Variants in CDH12 observed in about 807,000 individuals in gnomAD.
CDH12 encodes the protein cadherin 12.
A neutral mutation model predicts 74.1 loss-of-function variants in CDH12; 41 were observed. The observed-to-expected ratio is 0.55, with a 90% CI of 0.43 to 0.72. CDH12 has a LOEUF of 0.72. Among genes scored for constraint, CDH12 ranks in the 30% least tolerant of loss-of-function variants. The pLI, the probability that CDH12 is intolerant of heterozygous loss-of-function variation, is 0.00. For missense variants in CDH12, 945 were observed against 977.2 expected (o/e 0.97, Z 0.44); for synonymous variants, 399 against 355.0 (o/e 1.12, Z -1.39).
intron 4 of CDH12, among the ~76,000 whole-genome samples, chr5:22,187,148 A>T: frequency 6.6e-6 from 1 of 152,228 alleles, no homozygotes; most frequent in East Asian, 1.9e-4. Flanking sequence ...GCTCTTATGC[A>T]AACACTCACA....
At chr5:22,402,956 T>C (rs965471553) in intron 3 of CDH12, among the ~76,000 whole-genome samples, 1 of 152,118 alleles carries the variant, frequency 6.6e-6, no homozygotes, top group Non-Finnish European at 1.5e-5. Flanking sequence ...AGACATGTGA[T>C]GGAAAGAAGG....
rs201378252 is a variant in CDH12 at position 22,448,711 on chromosome 5, A to G, written c.-427-43360T>C. Among the ~76,000 whole-genome samples, 6 of 151,970 alleles carry G rather than the reference A, an allele frequency of 3.9e-5. No individual in the cohort carries two copies. The East Asian group carries it at 9.6e-4, about 24-fold the overall frequency. ...AAAAAGTTTTCAAATTAAGATTTTA[A>G]TTTTTTTGTAAAAGTAAAAGAAAAC... On this transcript the variant is annotated intron_variant, in intron 2 of 14. Transcript: ENST00000382254.
At chr5:22,438,918 C>A (rs2126537404) in intron 2 of CDH12, among the ~76,000 whole-genome samples, 1 of 151,186 alleles carries the variant, frequency 6.6e-6, no homozygotes, top group East Asian at 1.9e-4. Context: ...AAAATAATGT[C>A]AATGTGATAA....
intron 5 of CDH12, among the ~76,000 whole-genome samples, chr5:22,072,156 A>G (rs972663195): frequency 6.6e-6 from 1 of 151,972 alleles, no homozygotes; most frequent in African/African-American, 2.4e-5. Flanking sequence ...CTGATCGGTC[A>G]TTCTAGAATT....
chr5:22,134,793 C>A (rs951429633), intron 4 of CDH12, among the ~76,000 whole-genome samples: 1 of 145,412 alleles, frequency 6.9e-6, no homozygotes, highest in Non-Finnish European at 1.5e-5. Context: ...CTCCATAATC[C>A]CTGTCACTTT....
intron 6 of CDH12, among the ~76,000 whole-genome samples, chr5:21,865,935 G>A (rs1751303133): frequency 6.6e-6 from 1 of 152,150 alleles, no homozygotes; most frequent in Non-Finnish European, 1.5e-5. Flanking sequence ...CTTATGTTGT[G>A]GGAGGGACAC....
At chr5:21,820,285 A>G (rs1222218719) in intron 8 of CDH12, among the ~76,000 whole-genome samples, 1 of 152,024 alleles carries the variant, frequency 6.6e-6, no homozygotes, top group Non-Finnish European at 1.5e-5. Flanking sequence ...ATTTAAGTTA[A>G]ATAGGGTGTT....
intron 3 of CDH12, among the ~76,000 whole-genome samples, chr5:22,284,865 C>A (rs1737065834): frequency 7.0e-6 from 1 of 142,418 alleles, no homozygotes; most frequent in African/African-American, 2.6e-5. Flanking sequence ...TGAAAAAAGA[C>A]CAGGAAAAGG....
chr5:22,404,675 A>C (rs1173711561), intron 3 of CDH12, among the ~76,000 whole-genome samples: 1 of 152,210 alleles, frequency 6.6e-6, no homozygotes, highest in African/African-American at 2.4e-5. Context: ...ATACCTGTAG[A>C]AATGAGTGAG....
chr5:21,867,992 T>C (rs1398599966), intron 6 of CDH12, among the ~76,000 whole-genome samples: 2 of 152,122 alleles, frequency 1.3e-5, no homozygotes, highest in African/African-American at 4.8e-5. Context: ...ACTGTTCTCG[T>C]GGTAGTGAAT....
chr5:22,530,480 C>G (rs762652531), intron 1 of CDH12, among the ~76,000 whole-genome samples: 2 of 150,834 alleles, frequency 1.3e-5, no homozygotes, highest in African/African-American at 2.4e-5. Context: ...AGAAATTAGT[C>G]CACTAAAAAT....
In CDH12 at chr5:22,055,132, C is replaced by T. The variant is rs552842323; in HGVS notation, c.231+23314G>A. ...TTTGCATCAGGAGGAGCAGCTCTAG[C>T]CTTGGAAAATTAGTAGAGTCCTATG... On this transcript the variant is annotated intron_variant, in intron 5 of 14. Coordinates refer to ENST00000382254, the MANE Select transcript of CDH12 (RefSeq NM_004061.5). Among the ~76,000 whole-genome samples the T allele has an allele frequency of 2.0e-5, 3 of 152,270 alleles. 1 individual carries two copies. In the East Asian group the frequency reaches 5.8e-4, roughly 29 times the overall value.
intron 11 of CDH12, among the ~76,000 whole-genome samples, chr5:21,771,591 A>G (rs548063744): frequency 6.6e-6 from 1 of 152,216 alleles, no homozygotes; most frequent in South Asian, 2.1e-4. Flanking sequence ...CTGGGTTAAG[A>G]TTAGGGGTTG....
At chr5:22,442,000 G>A (rs1260576092) in intron 2 of CDH12, among the ~76,000 whole-genome samples, 2 of 152,052 alleles carry the variant, frequency 1.3e-5, no homozygotes, top group Non-Finnish European at 2.9e-5. Context: ...CATGGAGCGT[G>A]GCCCCTTTAT....
intron 4 of CDH12, among the ~76,000 whole-genome samples, chr5:22,158,659 A>G (rs1476268236): frequency 2.0e-5 from 3 of 152,126 alleles, no homozygotes. Context: ...TTGCTTCCCA[A>G]TATTAGCCGT....
chr5:22,333,737 T>C (rs747727508), intron 3 of CDH12, among the ~76,000 whole-genome samples: 1 of 152,140 alleles, frequency 6.6e-6, no homozygotes, highest in Non-Finnish European at 1.5e-5. Flanking sequence ...TTCTTAACGA[T>C]ACACTAGCAA....
intron 6 of CDH12, among the ~76,000 whole-genome samples, chr5:21,966,082 T>A (rs1756567243): frequency 6.6e-6 from 1 of 151,708 alleles, no homozygotes; most frequent in Non-Finnish European, 1.5e-5. Context: ...TTCACGCTGA[T>A]ACATATGTAT....
intron 4 of CDH12, among the ~76,000 whole-genome samples, chr5:22,141,896 G>T (rs1580313805): frequency 6.6e-6 from 1 of 152,110 alleles, no homozygotes; most frequent in East Asian, 1.9e-4. Flanking sequence ...ATAAGAAGTA[G>T]GTGCTATTAT....
chr5:22,753,889 C>T (rs1436875211), intron 1 of CDH12, among the ~76,000 whole-genome samples: 1 of 151,822 alleles, frequency 6.6e-6, no homozygotes, highest in Non-Finnish European at 1.5e-5. Context: ...AATAAAAATC[C>T]CTATTATCTA....
Sources: gnomAD v4.1 joint callset for allele counts (sites outside exome capture counted in the v4.1 genomes callset) on GRCh38, gnomAD v4.1.1 for gene constraint, MANE v1.5 for transcripts, NCBI Gene and HGNC (gene_info 2026-07-23, HGNC 2026-07-21) for gene names.